The following SEMA6D variants were observed in gnomAD, a reference collection of about 807,000 sequenced individuals.
SEMA6D encodes the protein semaphorin 6D, also known as semaphorin-6D.
A neutral mutation model predicts 106.6 loss-of-function variants in SEMA6D; 35 were observed. The observed-to-expected ratio is 0.33, with a 90% CI of 0.25 to 0.44. The LOEUF is 0.44. Ranked by LOEUF, SEMA6D falls within the 20% of genes least tolerant of loss-of-function variation. The pLI is 1.00. For missense variants in SEMA6D, 1,185 were observed against 1,345.9 expected, an observed-to-expected ratio of 0.88 and a Z score of 1.87; for synonymous variants, 499 against 487.7, an observed-to-expected ratio of 1.02 and a Z score of -0.31.
intron 1 of SEMA6D, among the ~76,000 whole-genome samples, chr15:47,358,782 T>G (rs562116535): frequency 6.6e-6 from 1 of 152,262 alleles, no homozygotes; most frequent in East Asian, 1.9e-4. Flanking sequence ...GGGCCCTGAG[T>G]TGGGCATCAT....
At chr15:47,425,903 A>T (rs1198994796) in intron 2 of SEMA6D, among the ~76,000 whole-genome samples, 1 of 152,070 alleles carries the variant, frequency 6.6e-6, no homozygotes, top group Non-Finnish European at 1.5e-5. Context: ...CTAATTTTCC[A>T]GCCTAATAAA....
intron 1 of SEMA6D, among the ~76,000 whole-genome samples, chr15:47,384,660 C>T (rs1006624960): frequency 6.6e-6 from 1 of 152,182 alleles, no homozygotes; most frequent in Admixed American, 6.5e-5. Flanking sequence ...GCTCCTCCTT[C>T]TGTGTCCCCC....
At chr15:47,760,685 A>G (rs1430234398) in intron 3 of SEMA6D, among the ~76,000 whole-genome samples, 1 of 151,970 alleles carries the variant, frequency 6.6e-6, no homozygotes, top group Non-Finnish European at 1.5e-5. Context: ...ACCTTTCTTT[A>G]TGCGTTTTTA....
At chr15:47,428,464 C>T (rs2041420819) in intron 2 of SEMA6D, among the ~76,000 whole-genome samples, 1 of 34,222 alleles carries the variant, frequency 2.9e-5, no homozygotes. Flanking sequence ...GCAGATCTAC[C>T]CTTAAAAGTG....
intron 1 of SEMA6D, among the ~76,000 whole-genome samples, chr15:47,212,387 C>T (rs2030116889): frequency 6.6e-6 from 1 of 152,120 alleles, no homozygotes; most frequent in African/African-American, 2.4e-5. Flanking sequence ...TGAGTCAGAC[C>T]TTTCTGCTTT....
intron 1 of SEMA6D, among the ~76,000 whole-genome samples, chr15:47,224,654 G>A (rs2031498282): frequency 6.6e-6 from 1 of 151,910 alleles, no homozygotes; most frequent in South Asian, 2.1e-4. Flanking sequence ...CTTGTCACAC[G>A]GTAGATGCTC....
chr15:47,754,871 A>G (rs933358638), intron 1 of SEMA6D, among the ~76,000 whole-genome samples: 4 of 151,336 alleles, frequency 2.6e-5, no homozygotes, highest in African/African-American at 7.3e-5. Flanking sequence ...TTACTCACTA[A>G]TCTTCTCTTT....
intron 14 of SEMA6D, 39 bp downstream of exon 14, chr15:47,766,048 T>G: frequency 6.2e-7 from 1 of 1,611,938 alleles, no homozygotes; most frequent in South Asian, 1.1e-5. Flanking sequence ...GGTCTTGCAG[T>G]ATCGAAACCT....
intron 1 of SEMA6D, among the ~76,000 whole-genome samples, chr15:47,248,380 T>C (rs1473758328): frequency 1.3e-5 from 2 of 152,192 alleles, no homozygotes; most frequent in Non-Finnish European, 2.9e-5. Flanking sequence ...GAAAGACAGA[T>C]GCCTGTGGGA....
chr15:47,348,727 C>CCACACAGAGAGAGAG (rs1555425939), intron 1 of SEMA6D, among the ~76,000 whole-genome samples: 7 of 57,048 alleles, frequency 1.2e-4, no homozygotes, highest in Admixed American at 4.8e-4. Flanking sequence ...ACCACACACA[C>CCACACAGAGAGAGAG]AGAGAGAGAG....
chr15:47,379,911 C>T (rs2145592146), intron 1 of SEMA6D, among the ~76,000 whole-genome samples: 1 of 151,216 alleles, frequency 6.6e-6, no homozygotes, highest in East Asian at 2.0e-4. Flanking sequence ...GCATGCCCCA[C>T]CACGCCTGGC....
chr15:47,720,703 A>C (rs2079375470), intron 1 of SEMA6D, among the ~76,000 whole-genome samples: 1 of 152,246 alleles, frequency 6.6e-6, no homozygotes, highest in South Asian at 2.1e-4. Flanking sequence ...CATAATTGCT[A>C]AAGACTTATT....
intron 3 of SEMA6D, among the ~76,000 whole-genome samples, chr15:47,566,409 T>G (rs1278978284): frequency 6.6e-6 from 1 of 152,182 alleles, no homozygotes; most frequent in Non-Finnish European, 1.5e-5. Flanking sequence ...TGGAGTGTGT[T>G]CACTTGAACT....
intron 1 of SEMA6D, among the ~76,000 whole-genome samples, chr15:47,292,422 T>G (rs962445967): frequency 2.6e-5 from 4 of 152,242 alleles, no homozygotes; most frequent in African/African-American, 7.2e-5. Context: ...GGGCAAAGTT[T>G]TAAAAAAAAT....
At chr15:47,256,623 G>A (rs2033815667) in intron 1 of SEMA6D, among the ~76,000 whole-genome samples, 1 of 152,140 alleles carries the variant, frequency 6.6e-6, no homozygotes, top group African/African-American at 2.4e-5. Context: ...CACTTCGGGA[G>A]GCCGAGGCGG....
At chr15:47,667,969 A>G (rs2078061100) in intron 4 of SEMA6D, among the ~76,000 whole-genome samples, 1 of 152,178 alleles carries the variant, frequency 6.6e-6, no homozygotes, top group African/African-American at 2.4e-5. Flanking sequence ...ATTCCTATAT[A>G]TTTATTCTCT....
At chr15:47,502,171 T>TA (rs920462265) in intron 3 of SEMA6D, among the ~76,000 whole-genome samples, 26 of 151,990 alleles carry the variant, frequency 1.7e-4, no homozygotes, top group African/African-American at 5.1e-4. Flanking sequence ...GCAGTGACCA[T>TA]AAAAAAAATC....
intron 2 of SEMA6D, among the ~76,000 whole-genome samples, chr15:47,421,346 C>T (rs542923559): frequency 6.6e-6 from 1 of 152,216 alleles, no homozygotes; most frequent in East Asian, 1.9e-4. Flanking sequence ...CTATACAATG[C>T]TGAAGACATC....
chr15:47,436,322 G>T (rs141398817), intron 2 of SEMA6D, among the ~76,000 whole-genome samples: 1 of 151,624 alleles, frequency 6.6e-6, no homozygotes, highest in Admixed American at 6.6e-5. Context: ...CCCAGGAAGC[G>T]GAGGTTGCAA....
Sources: allele counts gnomAD v4.1 joint callset (sites outside exome capture counted in the v4.1 genomes callset), GRCh38; gene constraint gnomAD v4.1.1; transcripts MANE v1.5; gene names NCBI Gene and HGNC (gene_info 2026-07-23, HGNC 2026-07-21).